Variants in TSHZ2 observed in about 807,000 individuals in gnomAD.
TSHZ2 encodes teashirt homolog 2.
TSHZ2 carries 21 observed loss-of-function variants against 74.4 expected under a neutral mutation model. The ratio of observed to expected loss-of-function variants is 0.28; its 90% CI spans 0.20 to 0.41. The LOEUF (loss-of-function observed/expected upper bound fraction) is 0.41. Ranked by LOEUF, TSHZ2 falls within the 10% of genes least tolerant of loss-of-function variation. The pLI, the probability that TSHZ2 is intolerant of heterozygous loss-of-function variation, is 1.00. For synonymous variants in TSHZ2, 540 were observed against 515.3 expected, an observed-to-expected ratio of 1.05 and a Z score of -0.65; for missense variants, 1,244 against 1,293.5, an observed-to-expected ratio of 0.96 and a Z score of 0.59.
chr20:53,187,389 G>A lies in TSHZ2; in HGVS notation c.41-66110G>A, dbSNP rs186002627. 1.3e-3 allele frequency among the ~76,000 whole-genome samples: 204 copies of A among 152,352 alleles called. 1 individual carries two copies. The highest frequency in any genetic ancestry group is 3.4e-3 in the Middle Eastern group (1 of 294). ...GTGTTATCGTTTAAAGCTGTAATGG[G>A]AGAGGTGTCTGTGTTTAAAGCAAAC... On this transcript the variant is annotated intron_variant, in intron 1 of 2. Coordinates refer to ENST00000371497, the MANE Select transcript of TSHZ2 (RefSeq NM_173485.6).
intron 2 of TSHZ2, among the ~76,000 whole-genome samples, chr20:53,469,170 G>A (rs1334845261): frequency 6.8e-6 from 1 of 147,218 alleles, no homozygotes; most frequent in Non-Finnish European, 1.5e-5. Flanking sequence ...ACCTAGAGAG[G>A]TTTTTTTCTC....
chr20:53,185,466 T>A, intron 1 of TSHZ2: 1 of 1,370,538 alleles, frequency 7.3e-7, no homozygotes, highest in Non-Finnish European at 9.5e-7. Flanking sequence ...GATCATGAGG[T>A]CAGGAGTTCA....
At chr20:53,015,613 G>A (rs2123015154) in intron 1 of TSHZ2, among the ~76,000 whole-genome samples, 1 of 152,258 alleles carries the variant, frequency 6.6e-6, no homozygotes, top group Non-Finnish European at 1.5e-5. Flanking sequence ...CATTCCTTTA[G>A]CCAATGTTTG....
At position 53,487,459 on chromosome 20, in the gene TSHZ2, G is replaced by A. The variant is rs905981207; in HGVS notation, c.*324G>A. ...TGTCACAAGAAAACAAAGTGCCACC[G>A]AAGAAAAGTAATGACTGAGAGCATT... is the stretch of plus-strand genomic sequence containing the variant. On this transcript the variant is annotated 3_prime_UTR_variant, in exon 3 of 3. Coordinates refer to ENST00000371497, the MANE Select transcript of TSHZ2 (RefSeq NM_173485.6). The A allele has an allele frequency of 1.3e-5, 2 of 152,034 alleles. No individual in the cohort carries two copies. The highest frequency in any genetic ancestry group is 1.5e-5 in the Non-Finnish European group (1 of 68,012). The allele number at this position is 152,034 out of a possible 1,614,324, so 9.4% of individuals were successfully genotyped here.
rs1039931347 is a variant in TSHZ2 at position 53,306,404 on chromosome 20, A to G, written c.*8+49833A>G. On this transcript the variant is annotated intron_variant, in intron 2 of 2. Coordinates refer to ENST00000371497, the MANE Select transcript of TSHZ2 (RefSeq NM_173485.6). ...CCAGCCCCTACAGTAGAGGAAGCAC[A>G]GCAGAGAGAGGTGACAGTGCTGGAG... Among the ~76,000 whole-genome samples the G allele has an allele frequency of 4.6e-5, 7 of 152,324 alleles. No homozygotes were observed. In the East Asian group the frequency reaches 1.2e-3, roughly 25 times the overall value.
intron 1 of TSHZ2, among the ~76,000 whole-genome samples, chr20:53,153,169 G>A (rs993778736): frequency 4.6e-5 from 7 of 152,194 alleles, no homozygotes; most frequent in African/African-American, 1.4e-4. Context: ...GTTGATAAGA[G>A]AGAAAAGAAT....
At chr20:53,268,345 T>C (rs888056191) in intron 2 of TSHZ2, among the ~76,000 whole-genome samples, 1 of 152,098 alleles carries the variant, frequency 6.6e-6, no homozygotes, top group African/African-American at 2.4e-5. Context: ...ATCTTTATAA[T>C]TGAGAAATTC....
At chr20:53,078,355 G>T (rs1985428134) in intron 1 of TSHZ2, among the ~76,000 whole-genome samples, 1 of 151,998 alleles carries the variant, frequency 6.6e-6, no homozygotes, top group Non-Finnish European at 1.5e-5. Context: ...AGTAATACTT[G>T]TTCATTGTAG....
chr20:53,489,165 G>T lies in TSHZ2; in HGVS notation c.*2030G>T, dbSNP rs568094517. The T allele has an allele frequency of 2.2e-6, 1 of 456,268 alleles. No homozygotes were observed. The highest frequency in any genetic ancestry group is 1.5e-5 in the South Asian group (1 of 64,560). The allele number at this position is 456,268 out of a possible 1,614,324, so 28.3% of individuals were successfully genotyped here. On this transcript the variant is annotated 3_prime_UTR_variant, in exon 3 of 3. Coordinates refer to ENST00000371497, the MANE Select transcript of TSHZ2 (RefSeq NM_173485.6). ...TGGCTTTTATGGGATTTACTCATGGGCATAGGGAATAGCGGCTCAAATGTA... is the reference window on the plus strand; with the variant it reads ...TGGCTTTTATGGGATTTACTCATGGTCATAGGGAATAGCGGCTCAAATGTA...
At chr20:53,478,716 A>G (rs1207827291) in intron 2 of TSHZ2, among the ~76,000 whole-genome samples, 1 of 151,904 alleles carries the variant, frequency 6.6e-6, no homozygotes, top group Non-Finnish European at 1.5e-5. Flanking sequence ...TAAAAAAAAG[A>G]AAGAGCTCGT....
chr20:53,217,538 A>G (rs1404131617), intron 1 of TSHZ2, among the ~76,000 whole-genome samples: 1 of 152,184 alleles, frequency 6.6e-6, no homozygotes, highest in Non-Finnish European at 1.5e-5. Flanking sequence ...AAATAATGGC[A>G]GAAAGTGCAG....
chr20:53,363,855 G>GT (rs1260048175), intron 2 of TSHZ2, among the ~76,000 whole-genome samples: 1 of 152,200 alleles, frequency 6.6e-6, no homozygotes, highest in Non-Finnish European at 1.5e-5. Flanking sequence ...ACTGTAAATA[G>GT]AAACCTGATT....
At chr20:52,981,869 A>T (rs941764821) in intron 1 of TSHZ2, among the ~76,000 whole-genome samples, 5 of 152,206 alleles carry the variant, frequency 3.3e-5, no homozygotes, top group African/African-American at 9.6e-5. Flanking sequence ...CACGGCAGTT[A>T]TTTCTTGAGT....
rs552201855 is a variant in TSHZ2 at position 53,138,344 on chromosome 20, G to A, written c.41-115155G>A. Among the ~76,000 whole-genome samples the A allele has an allele frequency of 6.1e-4, 92 of 150,814 alleles. 2 individuals carry two copies. In the South Asian group the frequency reaches 0.016, roughly 27 times the overall value. ...GCTTGCAGTGAGCAGAGATCAAGCC[G>A]CTGCACTCCAGCCTGGACGACAGAG... On this transcript the variant is annotated intron_variant, in intron 1 of 2. Coordinates refer to ENST00000371497, the MANE Select transcript of TSHZ2 (RefSeq NM_173485.6).
intron 1 of TSHZ2, among the ~76,000 whole-genome samples, chr20:53,181,755 G>A (rs1310461182): frequency 3.9e-5 from 6 of 152,132 alleles, no homozygotes. Context: ...GGGCGTGGTG[G>A]TGGGCGCCTG....
chr20:53,375,760 G>T (rs1338046066), intron 2 of TSHZ2, among the ~76,000 whole-genome samples: 1 of 152,096 alleles, frequency 6.6e-6, no homozygotes, highest in East Asian at 1.9e-4. Context: ...ACATTCTTGT[G>T]TGCATCAAAA....
intron 1 of TSHZ2, among the ~76,000 whole-genome samples, chr20:53,226,331 G>A (rs1381509547): frequency 2.6e-5 from 4 of 152,090 alleles, no homozygotes; most frequent in Non-Finnish European, 5.9e-5. Flanking sequence ...CTGCACAGTT[G>A]TTATAAAGGT....
intron 2 of TSHZ2, among the ~76,000 whole-genome samples, chr20:53,411,828 C>G (rs866126922): frequency 6.6e-6 from 1 of 151,100 alleles, no homozygotes; most frequent in East Asian, 2.0e-4. Flanking sequence ...GACCCTGCCT[C>G]AAAAAATAAA....
chr20:53,122,349 A>G (rs942592354), intron 1 of TSHZ2, among the ~76,000 whole-genome samples: 1 of 152,044 alleles, frequency 6.6e-6, no homozygotes, highest in Non-Finnish European at 1.5e-5. Flanking sequence ...ATCAACAACC[A>G]TCATGACATT....
Sources: allele counts gnomAD v4.1 joint callset (sites outside exome capture counted in the v4.1 genomes callset), GRCh38; gene constraint gnomAD v4.1.1; transcripts MANE v1.5; gene names NCBI Gene and HGNC (gene_info 2026-07-23, HGNC 2026-07-21).